DCC: variants seen among roughly 807,000 people sequenced by gnomAD.
DCC encodes the protein netrin receptor DCC.
Under a neutral mutation model 172.5 loss-of-function variants are expected in DCC, and 58 were observed. That is an observed-to-expected ratio of 0.34 (90% CI 0.27 to 0.42). The LOEUF is 0.42. Ranked by LOEUF, DCC falls within the 10% of genes least tolerant of loss-of-function variation. The pLI is 1.00. For synonymous variants in DCC, 709 were observed against 644.5 expected, an observed-to-expected ratio of 1.10 and a Z score of -1.52; for missense variants, 1,740 against 1,791.0, an observed-to-expected ratio of 0.97 and a Z score of 0.51.
At chr18:52,803,433 G>A (rs1243747772) in intron 2 of DCC, among the ~76,000 whole-genome samples, 3 of 152,028 alleles carry the variant, frequency 2.0e-5, no homozygotes, top group Non-Finnish European at 2.9e-5. Flanking sequence ...GCATTTATTA[G>A]TTAATGCTGC....
intron 5 of DCC, among the ~76,000 whole-genome samples, chr18:53,049,616 G>A (rs13339736): frequency 3.0e-4 from 45 of 152,168 alleles, no homozygotes; most frequent in African/African-American, 1.1e-3. Context: ...ATTGGGTAAT[G>A]TGATGCCTCC....
At chr18:52,385,500 T>C (rs1466619830) in intron 1 of DCC, among the ~76,000 whole-genome samples, 1 of 152,064 alleles carries the variant, frequency 6.6e-6, no homozygotes, top group Admixed American at 6.5e-5. Context: ...CTACTGTGCC[T>C]GGCCTGAAAT....
chr18:52,713,635 A>G (rs1179248895), intron 1 of DCC, among the ~76,000 whole-genome samples: 1 of 152,160 alleles, frequency 6.6e-6, no homozygotes. Flanking sequence ...TGAGATGATC[A>G]TTTTTATTGT....
At chr18:52,371,971 A>G (rs1264030778) in intron 1 of DCC, among the ~76,000 whole-genome samples, 1 of 152,046 alleles carries the variant, frequency 6.6e-6, no homozygotes, top group South Asian at 2.1e-4. Flanking sequence ...GCATTGTCTT[A>G]CTCTCTGATC....
At chr18:53,195,810 A>G (rs1049918888) in intron 9 of DCC, among the ~76,000 whole-genome samples, 2 of 152,146 alleles carry the variant, frequency 1.3e-5, no homozygotes, top group South Asian at 2.1e-4. Flanking sequence ...TATCTCATCA[A>G]TAGATCTATT....
At chr18:52,728,764 A>G (rs763148234) in intron 1 of DCC, among the ~76,000 whole-genome samples, 8 of 152,210 alleles carry the variant, frequency 5.3e-5, no homozygotes, top group Non-Finnish European at 8.8e-5. Context: ...GGGCCTACGG[A>G]TGAATGAGTC....
intron 1 of DCC, among the ~76,000 whole-genome samples, chr18:52,565,082 A>G (rs886803890): frequency 6.6e-6 from 1 of 152,110 alleles, no homozygotes; most frequent in Non-Finnish European, 1.5e-5. Context: ...TAGCTGGAGG[A>G]ACTGCAGTGT....
At chr18:53,040,628 G>A (rs551699080) in intron 5 of DCC, among the ~76,000 whole-genome samples, 26 of 152,092 alleles carry the variant, frequency 1.7e-4, no homozygotes, top group African/African-American at 6.0e-4. Flanking sequence ...TGGCCCAGGC[G>A]TGGGAGTTAT....
At chr18:52,560,642 T>G (rs1144080) in intron 1 of DCC, among the ~76,000 whole-genome samples, 145,566 of 152,272 alleles carry the variant, frequency 0.96, 69,951 homozygotes, top group Middle Eastern at 1. Context: ...TTGTTGAGTA[T>G]GTATAGTTCC....
chr18:52,714,721 A>G (rs1376304594), intron 1 of DCC, among the ~76,000 whole-genome samples: 1 of 152,210 alleles, frequency 6.6e-6, no homozygotes, highest in Non-Finnish European at 1.5e-5. Flanking sequence ...CAATGATTGC[A>G]TGTTAATTAA....
intron 3 of DCC, among the ~76,000 whole-genome samples, chr18:52,919,879 AATAG>A (rs1568186988): frequency 6.6e-6 from 1 of 152,078 alleles, no homozygotes; most frequent in Non-Finnish European, 1.5e-5. Context: ...TTGGCAAAAT[AATAG>A]ATCCATGGAA....
At chr18:53,451,635 G>A (rs2045414340) in intron 23 of DCC, among the ~76,000 whole-genome samples, 1 of 152,106 alleles carries the variant, frequency 6.6e-6, no homozygotes. Context: ...TTTGACAACT[G>A]TGTACTTTAC....
At chr18:53,231,944 A>ACGTCATC (rs1454042443) in intron 12 of DCC, among the ~76,000 whole-genome samples, 1 of 152,142 alleles carries the variant, frequency 6.6e-6, no homozygotes, top group Non-Finnish European at 1.5e-5. Flanking sequence ...GAGTCCTTTT[A>ACGTCATC]CGTCATCTTC....
chr18:52,755,134 T>C (rs1173317778), intron 2 of DCC, among the ~76,000 whole-genome samples: 1 of 152,218 alleles, frequency 6.6e-6, no homozygotes, highest in Non-Finnish European at 1.5e-5. Context: ...AAGGGGACAA[T>C]TTGACTTTCA....
intron 5 of DCC, among the ~76,000 whole-genome samples, chr18:53,047,609 A>G (rs2042274315): frequency 6.7e-6 from 1 of 150,336 alleles, no homozygotes; most frequent in Non-Finnish European, 1.5e-5. Flanking sequence ...TTCACTTTGC[A>G]AGTCTCAAGC....
At chr18:52,438,910 T>A (rs1987882327) in intron 1 of DCC, among the ~76,000 whole-genome samples, 1 of 152,098 alleles carries the variant, frequency 6.6e-6, no homozygotes, top group East Asian at 1.9e-4. Flanking sequence ...GACCAGCAAT[T>A]TCCACCTTTC....
At chr18:53,349,245 G>T (rs1307564988) in intron 15 of DCC, among the ~76,000 whole-genome samples, 1 of 152,148 alleles carries the variant, frequency 6.6e-6, no homozygotes, top group African/African-American at 2.4e-5. Context: ...CAGTCTCTTT[G>T]CCAAAATATA....
chr18:53,340,040 GTCTA>G (rs770439684), intron 15 of DCC, 133 bp downstream of exon 15: 4 of 644,586 alleles, frequency 6.2e-6, no homozygotes, highest in African/African-American at 2.0e-5. Context: ...GAAAGCAACT[GTCTA>G]TCTACACACA....
At chr18:53,001,564 T>G (rs573425747) in intron 5 of DCC, among the ~76,000 whole-genome samples, 1 of 152,268 alleles carries the variant, frequency 6.6e-6, no homozygotes. Flanking sequence ...TGGATAACTT[T>G]CTGAAAAGTT....
Sources: allele counts gnomAD v4.1 joint callset (sites outside exome capture counted in the v4.1 genomes callset), GRCh38; gene constraint gnomAD v4.1.1; transcripts MANE v1.5; gene names NCBI Gene and HGNC (gene_info 2026-07-23, HGNC 2026-07-21).